The following KIAA2012 variants were observed in gnomAD, a reference collection of about 807,000 sequenced individuals.
KIAA2012 encodes the protein uncharacterized protein KIAA2012.
Under a neutral mutation model 150.6 loss-of-function variants are expected in KIAA2012, and 125 were observed. The ratio of observed to expected loss-of-function variants is 0.83; its 90% CI spans 0.72 to 0.96. The LOEUF (loss-of-function observed/expected upper bound fraction) is 0.96. Ranked by LOEUF, KIAA2012 falls within the 40% of genes least tolerant of loss-of-function variation. KIAA2012 has a pLI of 0.00. For missense variants in KIAA2012, 1,219 were observed against 1,354.9 expected (o/e 0.90, Z 1.57); for synonymous variants, 462 against 504.7 (o/e 0.92, Z 1.13).
intron 15 of KIAA2012, among the ~76,000 whole-genome samples, chr2:202,183,476 A>ATTTT (rs71406950): frequency 1.7e-4 from 16 of 95,840 alleles, no homozygotes; most frequent in African/African-American, 2.4e-4. Context: ...GGTTTTTTAA[A>ATTTT]TTTTTTTTTT....
Position 202,193,339 on chromosome 2 carries a change from G to T in KIAA2012, c.2850G>T (p.Trp950Cys). The T allele has an allele frequency of 6.5e-7, 1 of 1,550,050 alleles. No individual in the cohort carries two copies. Among genetic ancestry groups the T allele is most frequent in the South Asian group, 1.2e-5 (1 of 84,028 alleles). Reference protein sequence around the residue: ...LTKREQEKASWDRLRAERAEM... With the variant: ...LTKREQEKASCDRLRAERAEM... ...AGAGGGAGCAGGAGAAGGCTTCCTG[G>T]GACAGGCTTCGAGCAGAAAGAGCCG... The change falls in exon 20 of 24, where the codon TGG becomes TGT. Residue 950 changes from tryptophan to cysteine, a missense_variant. Trp to Cys is a radical substitution (Grantham distance 215). Transcript: ENST00000498697.
chr2:202,160,731 A>G (rs1691636614), intron 14 of KIAA2012, among the ~76,000 whole-genome samples: 1 of 152,238 alleles, frequency 6.6e-6, no homozygotes, highest in South Asian at 2.1e-4. Flanking sequence ...TCATTTAGAA[A>G]GTATTGAAAT....
chr2:202,196,361 A>G lies in KIAA2012; in HGVS notation c.3188-439A>G, dbSNP rs1385241910. Among the ~76,000 whole-genome samples the G allele has an allele frequency of 2.0e-5, 3 of 150,484 alleles. No homozygotes were observed. In the East Asian group the frequency reaches 5.8e-4, roughly 29 times the overall value. ...AGGCGCCTGCCACCACGCCCCGCTA[A>G]TTTTTTTGTGATTTTAGTAGAGACG... On this transcript the variant is annotated intron_variant, in intron 21 of 23. Coordinates refer to ENST00000498697, the MANE Select transcript of KIAA2012 (RefSeq NM_001277372.4).
At chr2:202,132,223 T>C (rs12621799) in intron 12 of KIAA2012, among the ~76,000 whole-genome samples, 105,724 of 151,956 alleles carry the variant, frequency 0.7, 37,731 homozygotes, top group African/African-American at 0.86. Context: ...ACGCCAATGA[T>C]GGTGGGACTC....
intron 13 of KIAA2012, among the ~76,000 whole-genome samples, chr2:202,146,742 T>C (rs1046219297): frequency 8.6e-5 from 13 of 151,776 alleles, no homozygotes; most frequent in Non-Finnish European, 1.8e-4. Flanking sequence ...AAGGCTGCAG[T>C]GAGCCATGGT....
intron 14 of KIAA2012, 54 bp downstream of exon 14, chr2:202,154,864 C>A: frequency 6.6e-7 from 1 of 1,506,566 alleles, no homozygotes. Context: ...ACAGGAATTC[C>A]AGTTAATACA....
intron 11 of KIAA2012, among the ~76,000 whole-genome samples, chr2:202,122,112 C>T (rs1218166926): frequency 6.6e-6 from 1 of 152,138 alleles, no homozygotes; most frequent in Non-Finnish European, 1.5e-5. Flanking sequence ...AGGAGCTGGG[C>T]CTGAAAGGCA....
chr2:202,169,787 C>T (rs116225457), intron 15 of KIAA2012, among the ~76,000 whole-genome samples: 370 of 152,284 alleles, frequency 2.4e-3, no homozygotes, highest in African/African-American at 8.3e-3. Flanking sequence ...ATCTATTCAT[C>T]GAGGAAACTG....
At chr2:202,201,932 T>C (rs1692536960) in intron 22 of KIAA2012, 2 of 796,624 alleles carry the variant, frequency 2.5e-6, no homozygotes, top group Non-Finnish European at 4.3e-6. Context: ...ACGGTTATCT[T>C]TTCCGTCCTC....
intron 2 of KIAA2012, among the ~76,000 whole-genome samples, chr2:202,089,331 A>T (rs1689659400): frequency 1.3e-5 from 2 of 152,236 alleles, no homozygotes; most frequent in Non-Finnish European, 2.9e-5. Flanking sequence ...GCTCTAGAAT[A>T]TAGTTCTTAC....
chr2:202,164,599 T>C (rs554869501), intron 14 of KIAA2012, among the ~76,000 whole-genome samples: 1 of 152,318 alleles, frequency 6.6e-6, no homozygotes, highest in South Asian at 2.1e-4. Context: ...GCTCCCCTGC[T>C]TTAAATCCTG....
chr2:202,092,993 C>T (rs1575006134), intron 3 of KIAA2012, 37 bp from the exon 4 acceptor site: 1 of 1,527,850 alleles, frequency 6.5e-7, no homozygotes, highest in African/African-American at 1.4e-5. Context: ...AGTTGGCTAC[C>T]ACTATTTCTA....
intron 15 of KIAA2012, among the ~76,000 whole-genome samples, chr2:202,169,982 G>C (rs903535118): frequency 6.6e-6 from 1 of 152,182 alleles, no homozygotes. Flanking sequence ...GAGTCGCTCA[G>C]GCTTGCACAG....
intron 11 of KIAA2012, 116 bp from the exon 12 acceptor site, chr2:202,125,098 T>C (rs1228760513): frequency 1.2e-6 from 1 of 818,424 alleles, no homozygotes; most frequent in Non-Finnish European, 2.0e-6. Flanking sequence ...AACAGTTCAT[T>C]GCAAAGCTTA....
At chr2:202,154,641 T>C (rs921055248) in intron 13 of KIAA2012, 32 bp from the exon 14 acceptor site, 3 of 1,514,744 alleles carry the variant, frequency 2.0e-6, no homozygotes, top group African/African-American at 1.4e-5. Context: ...ATCATTCATA[T>C]GAAAGTTCGG....
At chr2:202,098,818 G>A (rs1469678548) in intron 5 of KIAA2012, among the ~76,000 whole-genome samples, 1 of 146,490 alleles carries the variant, frequency 6.8e-6, no homozygotes, top group Admixed American at 6.8e-5. Context: ...GTGTGTGTGT[G>A]TGCACGCGCG....
intron 15 of KIAA2012, among the ~76,000 whole-genome samples, chr2:202,178,034 A>G (rs1203260406): frequency 6.6e-6 from 1 of 152,206 alleles, no homozygotes; most frequent in Non-Finnish European, 1.5e-5. Context: ...CCCTGTCTGT[A>G]GTAAAAATAC....
chr2:202,076,944 ATGGGAGACG>A, intron 2 of KIAA2012: 1 of 456,630 alleles, frequency 2.2e-6, no homozygotes, highest in Non-Finnish European at 4.4e-6. Context: ...GAATTTGCCA[ATGGGAGACG>A]CTGGAAAGAG....
chr2:202,184,111 C>T (rs1387161982), intron 15 of KIAA2012, among the ~76,000 whole-genome samples: 3 of 152,080 alleles, frequency 2.0e-5, no homozygotes, highest in Non-Finnish European at 4.4e-5. Context: ...GTTGGCTGAG[C>T]GCAGTGGCTC....
Sources: gnomAD v4.1 joint callset for allele counts (sites outside exome capture counted in the v4.1 genomes callset) on GRCh38, gnomAD v4.1.1 for gene constraint, MANE v1.5 for transcripts, NCBI Gene and HGNC (gene_info 2026-07-23, HGNC 2026-07-21) for gene names.